Variants in JPH2 observed in about 807,000 individuals in gnomAD.
JPH2 encodes the protein junctophilin 2.
A neutral mutation model predicts 55.9 loss-of-function variants in JPH2; 38 were observed. The observed-to-expected ratio is 0.68, with a 90% CI of 0.52 to 0.89. JPH2 has a LOEUF of 0.89. Among genes scored for constraint, JPH2 ranks in the 40% least tolerant of loss-of-function variants. JPH2 has a pLI of 0.00. For missense variants in JPH2, 964 were observed against 1,037.6 expected, an observed-to-expected ratio of 0.93 and a Z score of 0.97; for synonymous variants, 480 against 472.4, an observed-to-expected ratio of 1.02 and a Z score of -0.21.
At chr20:44,124,779 A>C (rs2072263860) in intron 2 of JPH2, among the ~76,000 whole-genome samples, 1 of 151,684 alleles carries the variant, frequency 6.6e-6, no homozygotes, top group South Asian at 2.1e-4. Flanking sequence ...TGTACCACCC[A>C]TGAATGGTTT....
At position 44,108,655 on chromosome 20, in the gene JPH2, GGAA is replaced by G. The variant is rs542412368; in HGVS notation, c.*4860_*4862del. 1.1e-4 allele frequency among the ~76,000 whole-genome samples: 17 copies of G among 148,332 alleles called. No individual in the cohort carries two copies. The South Asian group carries it at 2.5e-3, about 22-fold the overall frequency. ...CTCAAAAAAAAAAAAAAAGAAAAGAGGAAGAAGAAGTGACTGTAATGTAGGCAC... is the reference window on the plus strand; with the variant it reads ...CTCAAAAAAAAAAAAAAAGAAAAGAGGAAGAAGTGACTGTAATGTAGGCAC... On this transcript the variant is annotated 3_prime_UTR_variant, in exon 6 of 6. Transcript: ENST00000372980.
intron 1 of JPH2, among the ~76,000 whole-genome samples, chr20:44,184,414 T>C (rs1015618086): frequency 1.3e-5 from 2 of 152,150 alleles, no homozygotes; most frequent in Non-Finnish European, 2.9e-5. Flanking sequence ...TTTGATGTTA[T>C]AAAAATTGCC....
intron 1 of JPH2, among the ~76,000 whole-genome samples, chr20:44,172,188 G>T (rs1482628025): frequency 6.6e-6 from 1 of 152,170 alleles, no homozygotes; most frequent in Non-Finnish European, 1.5e-5. Flanking sequence ...TGTCTGAGAG[G>T]TTTCCTGGGA....
chr20:44,149,962 G>GAA (rs374913556), intron 2 of JPH2, among the ~76,000 whole-genome samples: 5 of 116,746 alleles, frequency 4.3e-5, no homozygotes, highest in Non-Finnish European at 7.4e-5. Context: ...GGGCGACAGA[G>GAA]GAAAAAAAAA....
intron 2 of JPH2, among the ~76,000 whole-genome samples, chr20:44,156,294 T>C (rs750760827): frequency 5.9e-5 from 9 of 152,232 alleles, no homozygotes; most frequent in Admixed American, 2.0e-4. Flanking sequence ...GGAAAATGGG[T>C]AGAGTGTATG....
chr20:44,166,750 G>C (rs1056843904), intron 1 of JPH2, among the ~76,000 whole-genome samples: 1 of 152,172 alleles, frequency 6.6e-6, no homozygotes, highest in African/African-American at 2.4e-5. Flanking sequence ...CAGGAAGAAT[G>C]CATCCACAGA....
intron 2 of JPH2, among the ~76,000 whole-genome samples, chr20:44,134,879 T>TAA (rs1400992447): frequency 2.4e-3 from 30 of 12,266 alleles, no homozygotes; most frequent in African/African-American, 9.8e-3. Context: ...TATATATTTA[T>TAA]ATATATATTA....
intron 1 of JPH2, among the ~76,000 whole-genome samples, chr20:44,162,771 TATATATATATATATATACACAC>T (rs2072621115): frequency 3.8e-5 from 3 of 79,590 alleles, no homozygotes; most frequent in African/African-American, 1.1e-4. Context: ...TATATATATA[TATATATATATATATATACACAC>T]ACACACACAC....
intron 1 of JPH2, among the ~76,000 whole-genome samples, chr20:44,171,569 C>A (rs1422545210): frequency 7.6e-6 from 1 of 131,918 alleles, no homozygotes; most frequent in African/African-American, 2.6e-5. Context: ...TCGTCCACCC[C>A]ACTCTCTCTC....
intron 1 of JPH2, among the ~76,000 whole-genome samples, chr20:44,179,035 C>A (rs1474196657): frequency 6.6e-6 from 1 of 152,080 alleles, no homozygotes; most frequent in Non-Finnish European, 1.5e-5. Context: ...AAACTGGATC[C>A]AGAGCGCAGA....
In JPH2 at chr20:44,160,537, T is replaced by C; in HGVS notation, c.380-130A>G. ...CGAGAGGCGCAAGGCCGTCTGAGGG[T>C]CAGGGTGCACAGTGCTATGAGTGTT... On this transcript the variant is annotated intron_variant, in intron 1 of 5. Transcript: ENST00000372980. The surrounding 1 kb of genome is among the most constrained non-coding windows in gnomAD (Gnocchi z 4.9). The C allele has an allele frequency of 1.1e-6, 1 of 903,998 alleles. No homozygotes were observed. The highest frequency in any genetic ancestry group is 1.4e-5 in the South Asian group (1 of 70,578). 56.0% of individuals were successfully genotyped at this position (903,998 alleles called of 1,614,324 possible).
At chr20:44,116,492 A>C in intron 3 of JPH2, 106 bp from the exon 4 acceptor site, 1 of 1,329,144 alleles carries the variant, frequency 7.5e-7, no homozygotes, top group Non-Finnish European at 1.0e-6. Flanking sequence ...CTCAGTCGGC[A>C]CTCACATAGC....
chr20:44,114,095 G>T (rs932470115), intron 5 of JPH2, among the ~76,000 whole-genome samples: 4 of 152,222 alleles, frequency 2.6e-5, no homozygotes, highest in Admixed American at 2.6e-4. Flanking sequence ...GGAAGATTTT[G>T]TCTTGTAGAT....
chr20:44,165,670 C>G (rs1315419911), intron 1 of JPH2, among the ~76,000 whole-genome samples: 1 of 152,148 alleles, frequency 6.6e-6, no homozygotes, highest in Non-Finnish European at 1.5e-5. Context: ...TCCCGCCATC[C>G]TCCCCTTTCC....
chr20:44,126,531 C>A (rs917115312), intron 2 of JPH2, among the ~76,000 whole-genome samples: 1 of 152,126 alleles, frequency 6.6e-6, no homozygotes, highest in Non-Finnish European at 1.5e-5. Context: ...TGACCATCTA[C>A]CCCAGAACAA....
intron 2 of JPH2, among the ~76,000 whole-genome samples, chr20:44,120,767 A>G (rs930439245): frequency 2.0e-5 from 3 of 152,224 alleles, no homozygotes; most frequent in African/African-American, 4.8e-5. Context: ...AAAAAATCCC[A>G]TAACATTTTA....
chr20:44,184,958 A>G (rs1384711743), intron 1 of JPH2, among the ~76,000 whole-genome samples: 1 of 152,154 alleles, frequency 6.6e-6, no homozygotes, highest in African/African-American at 2.4e-5. Context: ...TTCGTTTTGT[A>G]AAAATGGGGA....
At chr20:44,172,818 G>A (rs972686241) in intron 1 of JPH2, among the ~76,000 whole-genome samples, 15 of 152,012 alleles carry the variant, frequency 9.9e-5, no homozygotes, top group African/African-American at 3.6e-4. Flanking sequence ...TGAGCTCTCA[G>A]GTTTCTATTG....
At chr20:44,140,958 A>G (rs1319485174) in intron 2 of JPH2, among the ~76,000 whole-genome samples, 3 of 152,172 alleles carry the variant, frequency 2.0e-5, no homozygotes, top group Non-Finnish European at 4.4e-5. Flanking sequence ...ATCTAACCCC[A>G]AAGCCTGTGC....
Sources: allele counts gnomAD v4.1 joint callset (sites outside exome capture counted in the v4.1 genomes callset), GRCh38; gene constraint gnomAD v4.1.1; non-coding constraint Gnocchi (gnomAD v3.1); transcripts MANE v1.5; gene names NCBI Gene and HGNC (gene_info 2026-07-23, HGNC 2026-07-21).